KPNA7: variants seen among roughly 807,000 people sequenced by gnomAD.
KPNA7 encodes karyopherin subunit alpha 7.
A neutral mutation model predicts 53.7 loss-of-function variants in KPNA7; 54 were observed. That is an observed-to-expected ratio of 1.01 (90% CI 0.81 to 1.26). KPNA7 has a LOEUF of 1.26. Ranked by LOEUF, KPNA7 falls within the 50% of genes most tolerant of loss-of-function variation. The probability of loss-of-function intolerance (pLI) is 0.00; values close to 1 mark genes in which losing one functional copy is unlikely to be tolerated. For synonymous variants in KPNA7, 276 were observed against 259.3 expected, an observed-to-expected ratio of 1.06 and a Z score of -0.62; for missense variants, 640 against 644.5, an observed-to-expected ratio of 0.99 and a Z score of 0.07.
upstream of KPNA7, among the ~76,000 whole-genome samples, chr7:99,208,609 C>T (rs1052667074): frequency 1.3e-5 from 2 of 150,140 alleles, no homozygotes; most frequent in African/African-American, 2.5e-5. Flanking sequence ...CTTTTCACCA[C>T]GTTGGCCAGG....
At chr7:99,198,560 T>C (rs556008254) in intron 3 of KPNA7, among the ~76,000 whole-genome samples, 2 of 152,154 alleles carry the variant, frequency 1.3e-5, no homozygotes, top group South Asian at 4.1e-4. Flanking sequence ...GAAAAAACAT[T>C]TAATGAAATT....
intron 1 of KPNA7, among the ~76,000 whole-genome samples, chr7:99,217,657 G>A (rs1791248904): frequency 8.6e-6 from 1 of 116,588 alleles, no homozygotes; most frequent in African/African-American, 3.5e-5. Flanking sequence ...TTGAGACAGA[G>A]TCTTGCTCTG....
intron 2 of KPNA7, among the ~76,000 whole-genome samples, chr7:99,205,917 G>A (rs893053230): frequency 1.4e-4 from 22 of 152,222 alleles, no homozygotes; most frequent in South Asian, 6.2e-4. Context: ...CAAAGAAGCC[G>A]AGTGAATGTT....
downstream of KPNA7, among the ~76,000 whole-genome samples, chr7:99,172,597 T>C (rs1249316656): frequency 2.6e-5 from 4 of 152,120 alleles, no homozygotes; most frequent in Admixed American, 1.3e-4. Flanking sequence ...CCTTGAAATA[T>C]AGAAACACAC....
chr7:99,165,297 CTT>C, the KPNA7 span, among the ~76,000 whole-genome samples: 1,671 of 95,132 alleles, frequency 0.018, 31 homozygotes, highest in African/African-American at 0.053. Flanking sequence ...GAGGCCTTGC[CTT>C]TTTAAAAAAA....
chr7:99,182,587 G>C (rs1430902425), intron 8 of KPNA7, among the ~76,000 whole-genome samples: 1 of 151,962 alleles, frequency 6.6e-6, no homozygotes, highest in Non-Finnish European at 1.5e-5. Context: ...CTCCCATCTC[G>C]GCCTCCCAAA....
At chr7:99,164,315 A>T in the KPNA7 span, among the ~76,000 whole-genome samples, 1 of 152,008 alleles carries the variant, frequency 6.6e-6, no homozygotes, top group African/African-American at 2.4e-5. Flanking sequence ...GCCATAAAAA[A>T]TGAAGAGTTC....
rs1421240713 is a variant in KPNA7 at position 99,177,978 on chromosome 7, T to C, written c.1406A>G (p.His469Arg). ...CGACTGGCCAATTTGACGGTTCTCA[T>C]GCAGCTGTAAAGCCTCAATTCTATC... ...GIDRIEALQL[H>R]ENRQIGQSAL... The change falls in exon 10 of 11, where the codon CAT becomes CGT. Residue 469 changes from histidine (H) to arginine (R), a missense_variant. By Grantham distance (29) the His-to-Arg change is conservative (BLOSUM62 0). Coordinates refer to ENST00000327442, the MANE Select transcript of KPNA7 (RefSeq NM_001145715.3). The C allele has an allele frequency of 6.4e-7, 1 of 1,551,910 alleles. No individual in the cohort carries two copies. Among genetic ancestry groups the C allele is most frequent in the African/African-American group, 1.4e-5 (1 of 73,026 alleles).
At chr7:99,151,296 G>C in the KPNA7 span, among the ~76,000 whole-genome samples, 1 of 152,106 alleles carries the variant, frequency 6.6e-6, no homozygotes, top group East Asian at 1.9e-4. Flanking sequence ...CTAGGACTTA[G>C]TCCATAGAAT....
chr7:99,183,563 G>A (rs1048642684), intron 8 of KPNA7, among the ~76,000 whole-genome samples: 4 of 152,158 alleles, frequency 2.6e-5, no homozygotes, highest in African/African-American at 9.7e-5. Context: ...ATTGGAAGAT[G>A]CTATAATTTG....
At chr7:99,162,037 A>AT in the KPNA7 span, among the ~76,000 whole-genome samples, 4,539 of 106,716 alleles carry the variant, frequency 0.043, 143 homozygotes, top group African/African-American at 0.09. Context: ...CAAGATTGCA[A>AT]TTTTTTTTTT....
At chr7:99,180,742 C>CCTCT (rs757432007) in intron 9 of KPNA7, among the ~76,000 whole-genome samples, 4 of 29,640 alleles carry the variant, frequency 1.3e-4, no homozygotes, top group African/African-American at 1.6e-4. Flanking sequence ...TCTCTCTCCC[C>CCTCT]GTGTCTCTCT....
At chr7:99,178,431 TG>T (rs1799004065) in intron 9 of KPNA7, among the ~76,000 whole-genome samples, 1 of 151,758 alleles carries the variant, frequency 6.6e-6, no homozygotes, top group Non-Finnish European at 1.5e-5. Context: ...TAGTTGGGCG[TG>T]GTGGCAGGTG....
At chr7:99,149,867 A>G in the KPNA7 span, among the ~76,000 whole-genome samples, 5 of 152,096 alleles carry the variant, frequency 3.3e-5, no homozygotes, top group South Asian at 1.0e-3. Flanking sequence ...GCTCACGTGC[A>G]ACCTGCAACC....
the KPNA7 span, among the ~76,000 whole-genome samples, chr7:99,164,927 C>G: frequency 6.6e-6 from 1 of 151,690 alleles, no homozygotes; most frequent in Non-Finnish European, 1.5e-5. Context: ...GGCAAAACCC[C>G]GTCTGCTAAA....
chr7:99,195,236 G>A lies in KPNA7; in HGVS notation c.387C>T (p.Cys129=). Residue 129 remains cysteine, a synonymous_variant, in exon 5 of 11, where the codon TGC becomes TGT. Transcript: ENST00000327442. ...GGGCCCAGGCAGCCTCAAACTGCAA[G>A]CAGGGGTAAAGTGATGACTTCAGGA... is the stretch of plus-strand genomic sequence containing the variant. The part of the protein sequence containing the change: ...VEFLKSSLYP[C]LQFEAAWALT... 1.9e-6 allele frequency: 3 copies of A among 1,551,644 alleles called. No homozygotes were observed. The highest frequency in any genetic ancestry group is 2.6e-6 in the Non-Finnish European group (3 of 1,146,988).
intron 5 of KPNA7, among the ~76,000 whole-genome samples, chr7:99,194,670 C>G (rs997637355): frequency 1.3e-5 from 2 of 152,236 alleles, no homozygotes; most frequent in Middle Eastern, 6.8e-3. Flanking sequence ...GTGGCGTTAT[C>G]TTGGTTCACT....
intron 1 of KPNA7, among the ~76,000 whole-genome samples, chr7:99,213,479 T>G (rs1459218355): frequency 6.8e-6 from 1 of 147,710 alleles, no homozygotes; most frequent in Non-Finnish European, 1.5e-5. Context: ...AGAGTCTCAT[T>G]GTTGCCCAGG....
intron 8 of KPNA7, 57 bp from the exon 9 acceptor site, chr7:99,182,122 C>A (rs1389123234): frequency 2.3e-6 from 3 of 1,320,240 alleles, no homozygotes; most frequent in Non-Finnish European, 3.1e-6. Context: ...AAATAGAGGA[C>A]ACCAACTTGG....
Sources: allele counts gnomAD v4.1 joint callset (sites outside exome capture counted in the v4.1 genomes callset), GRCh38; gene constraint gnomAD v4.1.1; transcripts MANE v1.5; gene names NCBI Gene and HGNC (gene_info 2026-07-23, HGNC 2026-07-21).